TMPRSS2: variants seen among roughly 807,000 people sequenced by gnomAD.
The protein encoded by TMPRSS2 is transmembrane protease serine 2.
Under a neutral mutation model 67.4 loss-of-function variants are expected in TMPRSS2, and 59 were observed. The ratio of observed to expected loss-of-function variants is 0.88; its 90% CI spans 0.71 to 1.09. The LOEUF (loss-of-function observed/expected upper bound fraction) is 1.09. TMPRSS2 is among the 50% of genes least tolerant of loss of function. The pLI, the probability that TMPRSS2 is intolerant of heterozygous loss-of-function variation, is 0.00. For missense variants in TMPRSS2, 668 were observed against 642.7 expected, an observed-to-expected ratio of 1.04 and a Z score of -0.43; for synonymous variants, 257 against 257.0, an observed-to-expected ratio of 1.00 and a Z score of 0.00.
chr21:41,470,855 G>A (rs1454360577), intron 10 of TMPRSS2, 112 bp from the exon 11 acceptor site: 1 of 731,438 alleles, frequency 1.4e-6, no homozygotes, highest in Non-Finnish European at 2.2e-6. Flanking sequence ...CTGCCCAGAG[G>A]ACCCTGCATC....
intron 5 of TMPRSS2, among the ~76,000 whole-genome samples, chr21:41,482,562 T>A (rs1055197224): frequency 6.6e-6 from 1 of 152,220 alleles, no homozygotes; most frequent in African/African-American, 2.4e-5. Flanking sequence ...CTCTTCTTAC[T>A]TCCTACGAGT....
intron 1 of TMPRSS2, among the ~76,000 whole-genome samples, chr21:41,504,662 C>G (rs916507743): frequency 1.3e-5 from 2 of 152,184 alleles, no homozygotes; most frequent in African/African-American, 4.8e-5. Flanking sequence ...TTTTGCTCCT[C>G]CTTGGGTGTC....
chr21:41,481,834 G>T (rs531418415), intron 5 of TMPRSS2, among the ~76,000 whole-genome samples: 2 of 152,064 alleles, frequency 1.3e-5, no homozygotes, highest in Admixed American at 1.3e-4. Flanking sequence ...AGGCCAAGGC[G>T]GGCAGATCAC....
chr21:41,507,351 C>T (rs1313203648), intron 1 of TMPRSS2, among the ~76,000 whole-genome samples: 1 of 152,160 alleles, frequency 6.6e-6, no homozygotes, highest in African/African-American at 2.4e-5. Flanking sequence ...AGACCGGCTC[C>T]TCCCGGGCGG....
At chr21:41,482,601 C>T (rs1421591956) in intron 5 of TMPRSS2, among the ~76,000 whole-genome samples, 1 of 152,208 alleles carries the variant, frequency 6.6e-6, no homozygotes, top group Admixed American at 6.5e-5. Flanking sequence ...AGTCTGGTAC[C>T]TGTGGGCTTG....
chr21:41,487,251 G>C (rs1307894029), intron 5 of TMPRSS2: 5 of 152,242 alleles, frequency 3.3e-5, no homozygotes, highest in African/African-American at 1.2e-4. Context: ...CATAGATGAA[G>C]CTGGAGGACA....
chr21:41,473,569 C>G, intron 8 of TMPRSS2, 73 bp from the exon 9 acceptor site: 1 of 1,480,114 alleles, frequency 6.8e-7, no homozygotes, highest in South Asian at 1.3e-5. Context: ...GCCCGCCCCT[C>G]CCAAGGGTCT....
chr21:41,500,257 G>A (rs1325430494), intron 1 of TMPRSS2, among the ~76,000 whole-genome samples: 1 of 152,210 alleles, frequency 6.6e-6, no homozygotes, highest in Non-Finnish European at 1.5e-5. Context: ...TAATACTAAT[G>A]AAGTGCTTCA....
In TMPRSS2 at chr21:41,504,749, C is replaced by T. The variant is rs139829932; in HGVS notation, c.-57+3332G>A. ...CCCCTTCTTCACACCCAGGCCCATA[C>T]CCCTGGTGCTTGCAAGTCAGGGCTT... On this transcript the variant is annotated intron_variant, in intron 1 of 13. Transcript: ENST00000332149. Among the ~76,000 whole-genome samples, 610 of 152,296 alleles carry T rather than the reference C, an allele frequency of 4.0e-3. 4 individuals carry two copies. The highest frequency in any genetic ancestry group is 0.013 in the African/African-American group (559 of 41,542).
Position 41,507,983 on chromosome 21 carries a change from C to G in TMPRSS2, c.-57+98G>C, listed in dbSNP as rs200291871. The stretch of plus-strand genomic sequence containing the variant: ...CCGCGCTCCTCACACCCGCTTTCAC[C>G]TCCGGGCGGGGCAGGGGGCATCGGC... On this transcript the variant is annotated intron_variant, in intron 1 of 13. Coordinates refer to ENST00000332149, the MANE Select transcript of TMPRSS2 (RefSeq NM_005656.4). 14,379 of 1,444,186 alleles carry G rather than the reference C, an allele frequency of 1.0e-2. 92 individuals carry two copies. Among genetic ancestry groups the G allele is most frequent in the Non-Finnish European group, 0.012 (13,363 of 1,105,820 alleles). The allele number at this position is 1,444,186 out of a possible 1,614,324, so 89.5% of individuals were successfully genotyped here.
At chr21:41,484,029 G>A (rs1456879134) in intron 5 of TMPRSS2, among the ~76,000 whole-genome samples, 1 of 152,154 alleles carries the variant, frequency 6.6e-6, no homozygotes, top group Non-Finnish European at 1.5e-5. Context: ...TGAGGGGGAA[G>A]GATGGATTGA....
Position 41,508,074 on chromosome 21 carries a change from C to G in TMPRSS2, c.-57+7G>C, listed in dbSNP as rs1477440647. ...CGAGCCGGGACCCTGGTACCGGCGC[C>G]GCTCACCTGCCGCGCTCCAGGCGGC... On this transcript the variant is annotated splice_region_variant and intron_variant, in intron 1 of 13. Transcript: ENST00000332149. 1.6e-6 allele frequency: 2 copies of G among 1,274,148 alleles called. No individual in the cohort carries two copies. Among genetic ancestry groups the G allele is most frequent in the Non-Finnish European group, 2.0e-6 (2 of 1,003,692 alleles). 78.9% of individuals were successfully genotyped at this position (1,274,148 alleles called of 1,614,324 possible). A position where few individuals can be genotyped will look rare whatever the true frequency, so the allele number is the denominator to read the frequency against.
chr21:41,485,081 CGTGTGTGTGT>C (rs10668560), intron 5 of TMPRSS2, among the ~76,000 whole-genome samples: 39 of 140,316 alleles, frequency 2.8e-4, no homozygotes, highest in Non-Finnish European at 3.4e-4. Flanking sequence ...GGGAGTGATG[CGTGTGTGTGT>C]GTGTGTGTGT....
At chr21:41,479,365 C>T (rs943517160) in intron 6 of TMPRSS2, 83 bp from the exon 7 acceptor site, 13 of 998,850 alleles carry the variant, frequency 1.3e-5, no homozygotes, top group Admixed American at 6.4e-5. Flanking sequence ...ACCGCTCATA[C>T]GACATTCAGA....
At chr21:41,502,792 G>A (rs2091432894) in intron 1 of TMPRSS2, among the ~76,000 whole-genome samples, 1 of 152,176 alleles carries the variant, frequency 6.6e-6, no homozygotes, top group South Asian at 2.1e-4. Context: ...CACCTTAGGA[G>A]AGGTATTGCC....
chr21:41,473,278 T>C, intron 9 of TMPRSS2, 47 bp downstream of exon 9: 1 of 1,525,620 alleles, frequency 6.6e-7, no homozygotes, highest in East Asian at 2.4e-5. Flanking sequence ...AGGGTGGCTG[T>C]AGGCCAGCCC....
chr21:41,467,109 C>G (rs1957013499), intron 13 of TMPRSS2, among the ~76,000 whole-genome samples: 1 of 152,188 alleles, frequency 6.6e-6, no homozygotes, highest in African/African-American at 2.4e-5. Context: ...TCATGTGAGG[C>G]CGGGCACCGT....
intron 1 of TMPRSS2, among the ~76,000 whole-genome samples, chr21:41,505,919 C>T (rs1441937518): frequency 6.6e-6 from 1 of 152,212 alleles, no homozygotes; most frequent in Non-Finnish European, 1.5e-5. Flanking sequence ...ATGTTTATCC[C>T]CAGTTCTGCC....
intron 10 of TMPRSS2, among the ~76,000 whole-genome samples, chr21:41,470,998 C>T (rs2091128734): frequency 6.6e-6 from 1 of 152,210 alleles, no homozygotes; most frequent in African/African-American, 2.4e-5. Flanking sequence ...AGCTCTGCTT[C>T]CAAAATTACA....
Sources: gnomAD v4.1 joint callset for allele counts (sites outside exome capture counted in the v4.1 genomes callset) on GRCh38, gnomAD v4.1.1 for gene constraint, MANE v1.5 for transcripts, NCBI Gene and HGNC (gene_info 2026-07-23, HGNC 2026-07-21) for gene names.